Variants in RXRA observed in about 807,000 individuals in gnomAD.
RXRA encodes the protein retinoid X receptor alpha, also known as retinoic acid receptor RXR-alpha.
Under a neutral mutation model 44.5 loss-of-function variants are expected in RXRA, and 5 were observed. That is an observed-to-expected ratio of 0.11 (90% CI 0.06 to 0.24). The LOEUF is 0.24. Among genes scored for constraint, RXRA ranks in the 10% least tolerant of loss-of-function variants. The pLI is 1.00. For missense variants in RXRA, 412 were observed against 646.5 expected, an observed-to-expected ratio of 0.64 and a Z score of 3.93; for synonymous variants, 291 against 271.4, an observed-to-expected ratio of 1.07 and a Z score of -0.71.
At chr9:134,350,552 G>C (rs1409093669) in intron 1 of RXRA, among the ~76,000 whole-genome samples, 4 of 152,236 alleles carry the variant, frequency 2.6e-5, no homozygotes, top group Non-Finnish European at 5.9e-5. Flanking sequence ...GCAGGCCCCA[G>C]ACGATGCCGC....
At chr9:134,328,293 G>A (rs1446250061) in intron 1 of RXRA, among the ~76,000 whole-genome samples, 1 of 152,184 alleles carries the variant, frequency 6.6e-6, no homozygotes, top group African/African-American at 2.4e-5. Flanking sequence ...ACTGAGAACC[G>A]AACAGGTCCC....
chr9:134,339,101 G>A (rs1301818808), intron 1 of RXRA, among the ~76,000 whole-genome samples: 2 of 138,170 alleles, frequency 1.4e-5, no homozygotes, highest in Admixed American at 1.5e-4. Context: ...AGGGCTGGTG[G>A]TCACCCCCCC....
intron 6 of RXRA, chr9:134,422,995 A>T: frequency 1.0e-6 from 1 of 985,060 alleles, no homozygotes; most frequent in Non-Finnish European, 1.2e-6. Context: ...CGCGCATCAC[A>T]CTCCCCGTGA....
chr9:134,422,930 C>G, intron 6 of RXRA: 1 of 985,490 alleles, frequency 1.0e-6, no homozygotes. Flanking sequence ...CCGCAGCTCT[C>G]TTTCCATGCG....
At chr9:134,393,065 T>C (rs1326803176) in intron 1 of RXRA, among the ~76,000 whole-genome samples, 1 of 150,536 alleles carries the variant, frequency 6.6e-6, no homozygotes, top group Non-Finnish European at 1.5e-5. Flanking sequence ...AACCCGGGAA[T>C]CATGGGGAAG....
chr9:134,361,232 GGGAAC>G, intron 1 of RXRA, among the ~76,000 whole-genome samples: 1 of 152,326 alleles, frequency 6.6e-6, no homozygotes, highest in South Asian at 2.1e-4. Context: ...GGAGCTGGGA[GGGAAC>G]CTGGAGACCC....
intron 1 of RXRA, among the ~76,000 whole-genome samples, chr9:134,364,369 C>T (rs1243223487): frequency 6.6e-6 from 1 of 152,242 alleles, no homozygotes; most frequent in African/African-American, 2.4e-5. Context: ...TCCACCCCAG[C>T]ATTGATGGGC....
chr9:134,353,466 T>C (rs1588259647), intron 1 of RXRA, among the ~76,000 whole-genome samples: 1 of 152,196 alleles, frequency 6.6e-6, no homozygotes, highest in Admixed American at 6.5e-5. Context: ...TGGTGTCCCG[T>C]CATGTGGCCC....
In RXRA at chr9:134,417,341, T is replaced by C; in HGVS notation, c.780+14T>C. 3 of 1,609,396 alleles carry C rather than the reference T, an allele frequency of 1.9e-6. No individual in the cohort carries two copies. The highest frequency in any genetic ancestry group is 2.5e-6 in the Non-Finnish European group (3 of 1,176,838). Reference sequence around the variant, plus strand: ...AACCCCAGCTCGGTGAGTTGCAGCCTGTGCAGGGGTGGGCAGCCTCACATG... The same window carrying C: ...AACCCCAGCTCGGTGAGTTGCAGCCCGTGCAGGGGTGGGCAGCCTCACATG... On this transcript the variant is annotated intron_variant, in intron 5 of 9. Transcript: ENST00000481739. This position sits in a 1 kb window ranked among gnomAD's most constrained non-coding sequence, Gnocchi z 6.1.
chr9:134,411,078 C>T (rs1831140588), intron 4 of RXRA, among the ~76,000 whole-genome samples: 2 of 152,190 alleles, frequency 1.3e-5, no homozygotes, highest in African/African-American at 4.8e-5. Flanking sequence ...GGTGTCGGCA[C>T]CACAGGCCTG....
chr9:134,373,462 T>G (rs1286951736), intron 1 of RXRA, among the ~76,000 whole-genome samples: 2 of 152,370 alleles, frequency 1.3e-5, no homozygotes, highest in East Asian at 3.9e-4. Flanking sequence ...ATTTTCCAGA[T>G]GAGAATACTG....
chr9:134,414,223 G>A lies in RXRA; in HGVS notation c.611-2935G>A, dbSNP rs574688508. ...CTAATTAATTCTCGGCTGCCCTGGC[G>A]GAGGAGGCAGGTGCCAAGGAGCCCA... is the stretch of plus-strand genomic sequence containing the variant. On this transcript the variant is annotated intron_variant, in intron 4 of 9. Coordinates refer to ENST00000481739, the MANE Select transcript of RXRA (RefSeq NM_002957.6). Among the ~76,000 whole-genome samples, 421 of 152,404 alleles carry A rather than the reference G, an allele frequency of 2.8e-3. 1 individual carries two copies. The highest frequency in any genetic ancestry group is 9.7e-3 in the African/African-American group (405 of 41,594).
chr9:134,422,368 CG>C, intron 6 of RXRA: 1 of 1,264,538 alleles, frequency 7.9e-7, no homozygotes, highest in Non-Finnish European at 1.0e-6. Context: ...TCCCCGCTAC[CG>C]GGACACTCCC....
At chr9:134,406,047 G>A (rs1831045132) in intron 2 of RXRA, 1 of 152,270 alleles carries the variant, frequency 6.6e-6, no homozygotes, top group South Asian at 2.1e-4. Flanking sequence ...AGTTGTCTGC[G>A]AGCTCTGCTC....
At chr9:134,333,567 C>T (rs782277340) in intron 1 of RXRA, among the ~76,000 whole-genome samples, 100 of 152,272 alleles carry the variant, frequency 6.6e-4, no homozygotes, top group African/African-American at 9.1e-4. Flanking sequence ...ATCCTCCAGC[C>T]GCCATGGATA....
intron 9 of RXRA, among the ~76,000 whole-genome samples, 182 bp from the exon 10 acceptor site, chr9:134,436,285 C>T (rs1441287093): frequency 2.0e-5 from 3 of 152,236 alleles, no homozygotes; most frequent in Non-Finnish European, 2.9e-5. Context: ...GCCACTGCCT[C>T]TGTTTCCTTC....
At chr9:134,333,082 C>T (rs1443735894) in intron 1 of RXRA, among the ~76,000 whole-genome samples, 3 of 152,162 alleles carry the variant, frequency 2.0e-5, no homozygotes, top group Non-Finnish European at 4.4e-5. Context: ...GGGAGTAGAG[C>T]AGCCGGGCCT....
intron 4 of RXRA, among the ~76,000 whole-genome samples, chr9:134,415,038 C>A (rs964818405): frequency 6.6e-6 from 1 of 152,234 alleles, no homozygotes; most frequent in Non-Finnish European, 1.5e-5. Flanking sequence ...TGCCCCCACC[C>A]ACCATCAGGT....
rs533802612 is a variant in RXRA at position 134,360,235 on chromosome 9, G to T, written c.28+33576G>T. Among the ~76,000 whole-genome samples the T allele has an allele frequency of 4.6e-5, 7 of 152,316 alleles. No individual in the cohort carries two copies. In the South Asian group the frequency reaches 8.3e-4, roughly 18 times the overall value. On this transcript the variant is annotated intron_variant, in intron 1 of 9. Transcript: ENST00000481739. ...GCCTCGGTGGGGGGCACTGGGCTGG[G>T]TGTCTGCCTTCCCTGGAGGCTGCAC... is the stretch of plus-strand genomic sequence containing the variant.
Sources: allele counts gnomAD v4.1 joint callset (sites outside exome capture counted in the v4.1 genomes callset), GRCh38; gene constraint gnomAD v4.1.1; non-coding constraint Gnocchi (gnomAD v3.1); transcripts MANE v1.5; gene names NCBI Gene and HGNC (gene_info 2026-07-23, HGNC 2026-07-21).